MGAT4C: variants seen among roughly 807,000 people sequenced by gnomAD.
MGAT4C encodes MGAT4 family member C.
Under a neutral mutation model 40.1 loss-of-function variants are expected in MGAT4C, and 19 were observed. That is an observed-to-expected ratio of 0.47 (90% CI 0.33 to 0.70). The LOEUF (loss-of-function observed/expected upper bound fraction) is 0.70. MGAT4C is among the 30% of genes least tolerant of loss of function. MGAT4C has a pLI of 0.02. For synonymous variants in MGAT4C, 181 were observed against 187.1 expected (o/e 0.97, Z 0.27); for missense variants, 491 against 563.2 (o/e 0.87, Z 1.30).
intron 2 of MGAT4C, among the ~76,000 whole-genome samples, chr12:86,495,043 G>C (rs1330249199): frequency 1.3e-5 from 2 of 152,056 alleles, no homozygotes; most frequent in African/African-American, 4.8e-5. Context: ...CACATCTTAT[G>C]ATCTAGCAAT....
At chr12:86,565,579 A>G (rs1481237162) in intron 2 of MGAT4C, among the ~76,000 whole-genome samples, 1 of 152,182 alleles carries the variant, frequency 6.6e-6, no homozygotes, top group African/African-American at 2.4e-5. Context: ...ATGTGTGATT[A>G]TATACTGATT....
At chr12:86,472,924 G>A (rs1957776643) in intron 2 of MGAT4C, among the ~76,000 whole-genome samples, 1 of 152,048 alleles carries the variant, frequency 6.6e-6, no homozygotes, top group South Asian at 2.1e-4. Flanking sequence ...AGAAAGAGAG[G>A]AAGGGAGGAA....
At chr12:86,709,939 C>T (rs1434637309) in intron 2 of MGAT4C, among the ~76,000 whole-genome samples, 1 of 151,992 alleles carries the variant, frequency 6.6e-6, no homozygotes, top group African/African-American at 2.4e-5. Context: ...CGAGTTGAGG[C>T]CAGTTACTTT....
intron 2 of MGAT4C, among the ~76,000 whole-genome samples, chr12:86,673,573 G>T (rs1565917204): frequency 6.6e-6 from 1 of 151,836 alleles, no homozygotes; most frequent in Non-Finnish European, 1.5e-5. Context: ...ATTTTATTAT[G>T]ATAATAACTA....
chr12:85,973,504 C>T lies in MGAT4C; in HGVS notation c.*5785G>A, dbSNP rs1374839643. On this transcript the variant is annotated 3_prime_UTR_variant, in exon 5 of 5. Coordinates refer to ENST00000611864, the MANE Select transcript of MGAT4C (RefSeq NM_001351288.2). ...AACTCTTAAATAAAGTAATGATTCTCTTTATATTAAATTTAATGTATGTGT... is the reference window on the plus strand; with the variant it reads ...AACTCTTAAATAAAGTAATGATTCTTTTTATATTAAATTTAATGTATGTGT... 6 of 150,612 alleles carry T rather than the reference C, an allele frequency of 4.0e-5. No individual in the cohort carries two copies. The Admixed American group carries it at 4.0e-4, about 10-fold the overall frequency. 9.3% of individuals were successfully genotyped at this position (150,612 alleles called of 1,614,324 possible).
intron 2 of MGAT4C, among the ~76,000 whole-genome samples, chr12:86,595,211 G>A (rs1961485525): frequency 6.6e-6 from 1 of 152,004 alleles, no homozygotes; most frequent in African/African-American, 2.4e-5. Flanking sequence ...GCAAGGTTTG[G>A]TTCATCCTTA....
intron 1 of MGAT4C, among the ~76,000 whole-genome samples, chr12:86,182,428 G>A (rs935524874): frequency 7.9e-5 from 12 of 152,212 alleles, no homozygotes; most frequent in Middle Eastern, 3.4e-3. Context: ...GTTTACATTT[G>A]TTTTTAACTA....
intron 3 of MGAT4C, among the ~76,000 whole-genome samples, chr12:85,985,626 T>G (rs1885118799): frequency 6.6e-6 from 1 of 152,174 alleles, no homozygotes; most frequent in South Asian, 2.1e-4. Flanking sequence ...CCACAAACTT[T>G]CAAAGTACTT....
chr12:86,330,384 G>C (rs1256580234), intron 4 of MGAT4C, among the ~76,000 whole-genome samples: 1 of 152,164 alleles, frequency 6.6e-6, no homozygotes, highest in African/African-American at 2.4e-5. Flanking sequence ...GAAGGCTCCT[G>C]TGTCATGTAA....
chr12:86,655,576 T>C (rs192406051), intron 2 of MGAT4C, among the ~76,000 whole-genome samples: 1 of 152,248 alleles, frequency 6.6e-6, no homozygotes, highest in Admixed American at 6.6e-5. Context: ...AAAAATTTTA[T>C]TTGTCCAGCC....
chr12:86,164,433 T>C (rs967893036), intron 1 of MGAT4C, among the ~76,000 whole-genome samples: 1 of 152,186 alleles, frequency 6.6e-6, no homozygotes, highest in African/African-American at 2.4e-5. Flanking sequence ...ACTGAGTCTA[T>C]GCTGTGCACT....
Position 86,366,020 on chromosome 12 carries a change from G to C in MGAT4C, c.-119-31893C>G, listed in dbSNP as rs4575344. On this transcript the variant is annotated intron_variant, in intron 3 of 7. Coordinates refer to the MGAT4C transcript ENST00000548651. ...CAATATTGATTCTTCCAATCCATGA[G>C]CATGAAATGTTTTTCCATTTATTTT... is the stretch of plus-strand genomic sequence containing the variant. Among the ~76,000 whole-genome samples the C allele has an allele frequency of 3.2e-3, 481 of 152,234 alleles. 2 individuals are homozygous for C. The highest frequency in any genetic ancestry group is 0.011 in the African/African-American group (441 of 41,542).
chr12:86,517,770 C>G (rs903421154), intron 2 of MGAT4C, among the ~76,000 whole-genome samples: 5 of 152,062 alleles, frequency 3.3e-5, no homozygotes, highest in Non-Finnish European at 5.9e-5. Context: ...CTCAGCCTCC[C>G]GAGTAGCTGG....
chr12:85,980,541 T>A, intron 4 of MGAT4C, 111 bp from the exon 5 acceptor site: 3 of 939,218 alleles, frequency 3.2e-6, no homozygotes, highest in Non-Finnish European at 4.6e-6. Flanking sequence ...ATTAAGTAAA[T>A]CTAGTAAATG....
intron 2 of MGAT4C, among the ~76,000 whole-genome samples, chr12:86,630,943 A>G (rs1023126732): frequency 2.0e-5 from 3 of 152,184 alleles, no homozygotes; most frequent in African/African-American, 7.2e-5. Context: ...GTATTCAATT[A>G]GGAAAAGAGG....
chr12:86,476,824 G>A (rs1957843028), intron 2 of MGAT4C, among the ~76,000 whole-genome samples: 1 of 152,122 alleles, frequency 6.6e-6, no homozygotes, highest in Non-Finnish European at 1.5e-5. Context: ...AATTAATGCA[G>A]GAACAAGAAA....
At chr12:86,087,157 C>T (rs10779239) in intron 1 of MGAT4C, among the ~76,000 whole-genome samples, 17,633 of 151,898 alleles carry the variant, frequency 0.12, 2,522 homozygotes, top group African/African-American at 0.34. Flanking sequence ...CTCTTCCATA[C>T]ACGCATTTCC....
intron 2 of MGAT4C, among the ~76,000 whole-genome samples, chr12:86,613,736 A>G (rs1302252541): frequency 6.6e-6 from 1 of 152,192 alleles, no homozygotes; most frequent in Non-Finnish European, 1.5e-5. Context: ...CATAATAAAA[A>G]TTATATATTT....
At chr12:86,044,852 T>G (rs1892231089) in intron 2 of MGAT4C, among the ~76,000 whole-genome samples, 1 of 151,710 alleles carries the variant, frequency 6.6e-6, no homozygotes, top group Non-Finnish European at 1.5e-5. Context: ...CAGGATAGAG[T>G]CCTGCTCCTA....
Sources: gnomAD v4.1 joint callset for allele counts (sites outside exome capture counted in the v4.1 genomes callset) on GRCh38, gnomAD v4.1.1 for gene constraint, MANE v1.5 for transcripts, NCBI Gene and HGNC (gene_info 2026-07-23, HGNC 2026-07-21) for gene names.